Variants in NRXN1 observed in about 807,000 individuals in gnomAD.
NRXN1 encodes the protein neurexin-1.
A neutral mutation model predicts 150.9 loss-of-function variants in NRXN1; 39 were observed. The ratio of observed to expected loss-of-function variants is 0.26; its 90% CI spans 0.20 to 0.34. The LOEUF is 0.34. Among genes scored for constraint, NRXN1 ranks in the 10% least tolerant of loss-of-function variants. NRXN1 has a pLI of 1.00. For missense variants in NRXN1, 1,815 were observed against 1,949.9 expected (o/e 0.93, Z 1.30); for synonymous variants, 924 against 757.0 (o/e 1.22, Z -3.62).
chr2:50,200,178 GC>G (rs772214683), intron 18 of NRXN1, among the ~76,000 whole-genome samples: 19 of 152,200 alleles, frequency 1.2e-4, no homozygotes, highest in Non-Finnish European at 2.4e-4. Flanking sequence ...CCTACTTGAA[GC>G]TTTATGTATT....
chr2:50,034,639 T>A (rs1421251609), intron 21 of NRXN1, among the ~76,000 whole-genome samples: 3 of 151,984 alleles, frequency 2.0e-5, no homozygotes, highest in Non-Finnish European at 4.4e-5. Context: ...ACCCCTGAAC[T>A]TAAAATAAAA....
At chr2:50,870,025 C>A (rs1574774183) in intron 5 of NRXN1, among the ~76,000 whole-genome samples, 1 of 151,924 alleles carries the variant, frequency 6.6e-6, no homozygotes, top group East Asian at 2.0e-4. Context: ...ACTGTCATTT[C>A]TACATTCTAG....
intron 18 of NRXN1, among the ~76,000 whole-genome samples, chr2:50,130,762 GA>G (rs1382200764): frequency 6.6e-6 from 1 of 152,064 alleles, no homozygotes; most frequent in African/African-American, 2.4e-5. Flanking sequence ...TATGACCTCC[GA>G]AAAGGCTTTA....
At position 50,445,004 on chromosome 2, in the gene NRXN1, C is replaced by A. The variant is rs189776380; in HGVS notation, c.3364+20438G>T. On this transcript the variant is annotated intron_variant, in intron 17 of 22. Transcript: ENST00000401669. ...CATCTCAGCATTTATAATTTAACAC[C>A]AAAATAACTGGCATGCAGGAAGCAC... Among the ~76,000 whole-genome samples, 11 of 152,170 alleles carry A rather than the reference C, an allele frequency of 7.2e-5. 1 individual carries two copies. Among genetic ancestry groups the A allele is most frequent in the African/African-American group, 2.6e-4 (11 of 41,538 alleles).
intron 18 of NRXN1, among the ~76,000 whole-genome samples, chr2:50,126,449 G>T (rs552011653): frequency 6.6e-6 from 1 of 151,622 alleles, no homozygotes; most frequent in Admixed American, 6.6e-5. Flanking sequence ...AAAATAATTG[G>T]TACTGCTAAT....
intron 5 of NRXN1, among the ~76,000 whole-genome samples, chr2:50,713,603 A>C (rs1225175774): frequency 6.6e-6 from 1 of 152,144 alleles, no homozygotes; most frequent in Non-Finnish European, 1.5e-5. Flanking sequence ...TACACATTGT[A>C]ATGTCCCTTC....
At position 50,365,999 on chromosome 2, in the gene NRXN1, TAGA is replaced by T. The variant is rs199974558; in HGVS notation, c.3364+99440_3364+99442del. ...TTTGTCCATTACAATAAAATAACCT[TAGA>T]AGTAGGTTGAAGTCATTTAGTATGG... On this transcript the variant is annotated intron_variant, in intron 17 of 22. Coordinates refer to ENST00000401669, the MANE Select transcript of NRXN1 (RefSeq NM_001330078.2). Among the ~76,000 whole-genome samples, 1,033 of 152,044 alleles carry T rather than the reference TAGA, an allele frequency of 6.8e-3. 10 individuals are homozygous for T. The highest frequency in any genetic ancestry group is 0.023 in the African/African-American group (962 of 41,514).
intron 5 of NRXN1, among the ~76,000 whole-genome samples, chr2:50,751,980 A>G (rs1180098051): frequency 6.6e-6 from 1 of 151,918 alleles, no homozygotes; most frequent in Non-Finnish European, 1.5e-5. Flanking sequence ...TGGATTGAGT[A>G]GCTATTGAAT....
At chr2:50,521,675 G>A (rs995198460) in intron 12 of NRXN1, among the ~76,000 whole-genome samples, 1 of 152,268 alleles carries the variant, frequency 6.6e-6, no homozygotes, top group African/African-American at 2.4e-5. Flanking sequence ...TGAACAGATT[G>A]TAATTCTCAT....
In NRXN1 at chr2:50,901,603, G is replaced by C. The variant is rs140246457; in HGVS notation, c.832+20266C>G. ...ATGCTTTCAAAGTTCCCCACCTGGC[G>C]TTCTGGTACAAAGTTATATACAAGC... On this transcript the variant is annotated intron_variant, in intron 5 of 22. Transcript: ENST00000401669. Among the ~76,000 whole-genome samples, 37 of 152,234 alleles carry C rather than the reference G, an allele frequency of 2.4e-4. 1 individual carries two copies. The highest frequency in any genetic ancestry group is 1.5e-3 in the South Asian group (7 of 4,824).
At chr2:50,883,867 A>C (rs1343605866) in intron 5 of NRXN1, among the ~76,000 whole-genome samples, 1 of 151,822 alleles carries the variant, frequency 6.6e-6, no homozygotes. Flanking sequence ...AGAATCAGGC[A>C]AACTAATCTA....
chr2:50,655,186 A>G (rs1460044937), intron 5 of NRXN1, among the ~76,000 whole-genome samples: 1 of 151,882 alleles, frequency 6.6e-6, no homozygotes, highest in Non-Finnish European at 1.5e-5. Flanking sequence ...AGTAGCAAGC[A>G]TGGAAAAAAA....
At chr2:50,999,691 C>T (rs553221817) in intron 2 of NRXN1, among the ~76,000 whole-genome samples, 40 of 152,068 alleles carry the variant, frequency 2.6e-4, no homozygotes, top group Non-Finnish European at 4.9e-4. Flanking sequence ...CTCCAGCCAC[C>T]CAGTAACTCA....
At chr2:50,826,142 G>T (rs1670420068) in intron 5 of NRXN1, among the ~76,000 whole-genome samples, 2 of 152,170 alleles carry the variant, frequency 1.3e-5, no homozygotes, top group African/African-American at 4.8e-5. Flanking sequence ...AGAGGGACTG[G>T]GGGAAGGGAA....
intron 5 of NRXN1, among the ~76,000 whole-genome samples, chr2:50,685,365 T>C (rs548523939): frequency 2.0e-4 from 31 of 152,286 alleles, no homozygotes; most frequent in African/African-American, 7.0e-4. Flanking sequence ...ATGTCACTAG[T>C]TTCCTGATCT....
intron 2 of NRXN1, among the ~76,000 whole-genome samples, chr2:51,021,877 T>C (rs901835571): frequency 5.9e-5 from 9 of 152,078 alleles, no homozygotes; most frequent in Non-Finnish European, 8.8e-5. Flanking sequence ...TATTAGTTTA[T>C]GTGGAAAGTG....
chr2:50,939,901 C>T (rs1228366866), intron 2 of NRXN1, among the ~76,000 whole-genome samples: 1 of 152,104 alleles, frequency 6.6e-6, no homozygotes, highest in African/African-American at 2.4e-5. Flanking sequence ...AACAACAGAA[C>T]CACCCACTGC....
At chr2:50,525,220 ATGATT>A (rs1334698704) in intron 12 of NRXN1, among the ~76,000 whole-genome samples, 2 of 152,212 alleles carry the variant, frequency 1.3e-5, no homozygotes, top group Admixed American at 1.3e-4. Flanking sequence ...CTTGTTCAAT[ATGATT>A]TAAGGTTTCA....
At chr2:50,212,961 T>C (rs2063140263) in intron 18 of NRXN1, among the ~76,000 whole-genome samples, 1 of 151,934 alleles carries the variant, frequency 6.6e-6, no homozygotes, top group Non-Finnish European at 1.5e-5. Flanking sequence ...TGGGAAACAC[T>C]CATTAAAGTA....
Sources: allele counts gnomAD v4.1 joint callset (sites outside exome capture counted in the v4.1 genomes callset), GRCh38; gene constraint gnomAD v4.1.1; transcripts MANE v1.5; gene names NCBI Gene and HGNC (gene_info 2026-07-23, HGNC 2026-07-21).